CLXN: variants seen among roughly 807,000 people sequenced by gnomAD.
CLXN encodes EF-hand calcium binding domain 1.
chr8:48,729,522 CA>C, the CLXN span, among the ~76,000 whole-genome samples: 1,962 of 120,130 alleles, frequency 0.016, 20 homozygotes, highest in African/African-American at 0.052. Context: ...GACCCTGTCT[CA>C]AAAAAAAAAA....
the CLXN span, among the ~76,000 whole-genome samples, chr8:48,734,327 G>A: frequency 6.6e-6 from 1 of 152,200 alleles, no homozygotes; most frequent in South Asian, 2.1e-4. Context: ...CCATACCCAC[G>A]GCTTCCTTGC....
the CLXN span, among the ~76,000 whole-genome samples, chr8:48,718,792 T>C: frequency 6.6e-6 from 1 of 151,832 alleles, no homozygotes. Flanking sequence ...ACTTATACAA[T>C]GCAGCAAAAG....
chr8:48,729,602 T>A, the CLXN span: 9 of 944,612 alleles, frequency 9.5e-6, no homozygotes, highest in Admixed American at 1.7e-4. Flanking sequence ...AGGAGCATAA[T>A]TTATGTGTTT....
the CLXN span, among the ~76,000 whole-genome samples, chr8:48,732,372 A>G: frequency 2.0e-5 from 3 of 152,202 alleles, no homozygotes; most frequent in Non-Finnish European, 4.4e-5. Flanking sequence ...AACAGAAGAC[A>G]GCATCTAGGA....
the CLXN span, among the ~76,000 whole-genome samples, chr8:48,729,401 T>C: frequency 4.0e-5 from 6 of 151,842 alleles, no homozygotes; most frequent in Non-Finnish European, 5.9e-5. Flanking sequence ...TATGCGCCTG[T>C]AGTCCCAGAT....
At chr8:48,713,855 T>G in the CLXN span, 1 of 152,120 alleles carries the variant, frequency 6.6e-6, no homozygotes, top group Non-Finnish European at 1.5e-5. Flanking sequence ...TCAGTGGTGG[T>G]TTTTAAATCC....
At chr8:48,730,651 G>T in the CLXN span, 12 of 1,568,660 alleles carry the variant, frequency 7.6e-6, no homozygotes, top group African/African-American at 1.5e-4. Flanking sequence ...AATACTAAAG[G>T]GAGAGAGGTT....
the CLXN span, among the ~76,000 whole-genome samples, chr8:48,727,772 C>T: frequency 1.3e-5 from 2 of 152,106 alleles, no homozygotes; most frequent in Non-Finnish European, 2.9e-5. Flanking sequence ...TAGGGGATGA[C>T]AGTGGAAGCC....
At chr8:48,734,748 T>C in the CLXN span, 1 of 232,750 alleles carries the variant, frequency 4.3e-6, no homozygotes. Context: ...TGGTGCTACT[T>C]TTCTTGAGAC....
chr8:48,716,740 C>T, the CLXN span, among the ~76,000 whole-genome samples: 1 of 150,674 alleles, frequency 6.6e-6, no homozygotes, highest in African/African-American at 2.4e-5. Context: ...GAAGACAGGT[C>T]ATTTGAGATT....
At chr8:48,731,484 G>A in the CLXN span, 1 of 1,604,664 alleles carries the variant, frequency 6.2e-7, no homozygotes, top group Non-Finnish European at 8.5e-7. Flanking sequence ...TTATAAGACA[G>A]TTCACTTCAA....
the CLXN span, among the ~76,000 whole-genome samples, chr8:48,717,617 T>C: frequency 6.6e-6 from 1 of 152,228 alleles, no homozygotes; most frequent in East Asian, 1.9e-4. Context: ...TAAAGATAAA[T>C]ATGTAGACAA....
chr8:48,730,055 T>C, the CLXN span: 5 of 467,798 alleles, frequency 1.1e-5, no homozygotes, highest in Admixed American at 1.5e-4. Context: ...AAATATTTCC[T>C]GATTCTCAAT....
chr8:48,726,366 A>C, the CLXN span, among the ~76,000 whole-genome samples: 1 of 145,614 alleles, frequency 6.9e-6, no homozygotes, highest in Admixed American at 6.8e-5. Flanking sequence ...TCATCATTTC[A>C]TCTGCCCATC....
At chr8:48,726,003 C>T in the CLXN span, among the ~76,000 whole-genome samples, 2 of 146,994 alleles carry the variant, frequency 1.4e-5, no homozygotes, top group African/African-American at 5.1e-5. Flanking sequence ...ACCATCCATC[C>T]ACCTCATCCA....
the CLXN span, among the ~76,000 whole-genome samples, chr8:48,714,416 A>G: frequency 6.6e-6 from 1 of 152,226 alleles, no homozygotes; most frequent in African/African-American, 2.4e-5. Flanking sequence ...GCTCTTGAAC[A>G]GAGCTTATGA....
the CLXN span, chr8:48,734,748 T>G: frequency 4.3e-6 from 1 of 232,632 alleles, no homozygotes; most frequent in Admixed American, 5.1e-5. Context: ...TGGTGCTACT[T>G]TTCTTGAGAC....
the CLXN span, chr8:48,715,451 C>G: frequency 6.6e-6 from 1 of 152,216 alleles, no homozygotes; most frequent in Non-Finnish European, 1.5e-5. Context: ...GTGTTGGAAG[C>G]GTTTTATCTG....
At chr8:48,728,405 C>A in the CLXN span, among the ~76,000 whole-genome samples, 4 of 152,150 alleles carry the variant, frequency 2.6e-5, no homozygotes, top group African/African-American at 9.7e-5. Flanking sequence ...AGCTTCCTGC[C>A]CTACCAGTCA....
Sources: allele counts gnomAD v4.1 joint callset (sites outside exome capture counted in the v4.1 genomes callset), GRCh38; gene constraint gnomAD v4.1.1; transcripts MANE v1.5; gene names NCBI Gene and HGNC (gene_info 2026-07-23, HGNC 2026-07-21).